RABGAP1L: variants seen among roughly 807,000 people sequenced by gnomAD.
RABGAP1L encodes the protein RAB GTPase activating protein 1 like, also known as rab GTPase-activating protein 1-like.
A neutral mutation model predicts 137.7 loss-of-function variants in RABGAP1L; 63 were observed. The observed-to-expected ratio is 0.46, with a 90% CI of 0.37 to 0.56. RABGAP1L has a LOEUF of 0.56. Among genes scored for constraint, RABGAP1L ranks in the 20% least tolerant of loss-of-function variants. RABGAP1L has a pLI of 0.00. For synonymous variants in RABGAP1L, 431 were observed against 433.7 expected (o/e 0.99, Z 0.08); for missense variants, 1,095 against 1,244.0 (o/e 0.88, Z 1.80).
At chr1:174,851,775 C>T (rs918392672) in intron 19 of RABGAP1L, among the ~76,000 whole-genome samples, 1 of 152,060 alleles carries the variant, frequency 6.6e-6, no homozygotes, top group Non-Finnish European at 1.5e-5. Context: ...CCCACCTCAG[C>T]TTCCCAAAGT....
At chr1:174,687,831 C>T (rs1192822646) in intron 15 of RABGAP1L, among the ~76,000 whole-genome samples, 1 of 152,142 alleles carries the variant, frequency 6.6e-6, no homozygotes, top group Non-Finnish European at 1.5e-5. Flanking sequence ...CATTCATTGC[C>T]TGAGAAGAAA....
At chr1:174,839,764 G>A (rs917153359) in intron 19 of RABGAP1L, among the ~76,000 whole-genome samples, 1 of 152,162 alleles carries the variant, frequency 6.6e-6, no homozygotes, top group Non-Finnish European at 1.5e-5. Flanking sequence ...TATATAATAG[G>A]TGAAACACTA....
At chr1:174,399,105 G>A (rs916934288) in intron 13 of RABGAP1L, among the ~76,000 whole-genome samples, 3 of 152,092 alleles carry the variant, frequency 2.0e-5, no homozygotes, top group Non-Finnish European at 4.4e-5. Context: ...CGTTTATTCA[G>A]GGTCTCAAAT....
chr1:174,695,862 G>T (rs1006439805), intron 15 of RABGAP1L, among the ~76,000 whole-genome samples: 4 of 152,194 alleles, frequency 2.6e-5, no homozygotes, highest in Non-Finnish European at 5.9e-5. Flanking sequence ...TTGCAGACTC[G>T]CAGAGATATA....
chr1:174,297,112 T>G (rs1019952406), intron 10 of RABGAP1L, among the ~76,000 whole-genome samples: 1 of 152,122 alleles, frequency 6.6e-6, no homozygotes, highest in Non-Finnish European at 1.5e-5. Context: ...TTGAAGTGAG[T>G]TGTAAGGGAG....
At chr1:174,869,929 A>G (rs192895295) in intron 19 of RABGAP1L, among the ~76,000 whole-genome samples, 46 of 152,274 alleles carry the variant, frequency 3.0e-4, no homozygotes, top group Admixed American at 2.9e-3. Context: ...CACTCCAGAA[A>G]TGTGATAAAT....
chr1:174,271,071 G>T (rs1674520791), intron 7 of RABGAP1L, among the ~76,000 whole-genome samples: 1 of 152,106 alleles, frequency 6.6e-6, no homozygotes, highest in African/African-American at 2.4e-5. Context: ...ATTCATAGGA[G>T]AGAGATCATA....
chr1:174,466,295 A>G (rs931490288), intron 13 of RABGAP1L, among the ~76,000 whole-genome samples: 2 of 152,242 alleles, frequency 1.3e-5, no homozygotes, highest in African/African-American at 4.8e-5. Context: ...CTTTAAAGTT[A>G]GCAAAAATGA....
At chr1:174,401,696 TAA>T (rs773952869) in intron 13 of RABGAP1L, among the ~76,000 whole-genome samples, 20 of 152,174 alleles carry the variant, frequency 1.3e-4, no homozygotes, top group Non-Finnish European at 2.5e-4. Context: ...ACTAGACATG[TAA>T]AGAAGACTAA....
intron 18 of RABGAP1L, among the ~76,000 whole-genome samples, chr1:174,792,479 G>C (rs1254580188): frequency 6.6e-6 from 1 of 152,188 alleles, no homozygotes; most frequent in Non-Finnish European, 1.5e-5. Flanking sequence ...GACTTAGTCT[G>C]TGTTGCTGTA....
chr1:174,708,215 A>G (rs1680194905), intron 17 of RABGAP1L, among the ~76,000 whole-genome samples: 2 of 152,186 alleles, frequency 1.3e-5, no homozygotes, highest in South Asian at 4.1e-4. Flanking sequence ...AGCAGTTTTC[A>G]GAAGTTGTTA....
intron 18 of RABGAP1L, among the ~76,000 whole-genome samples, chr1:174,776,299 C>T (rs925531549): frequency 3.9e-5 from 6 of 151,968 alleles, no homozygotes; most frequent in Non-Finnish European, 7.4e-5. Context: ...GCTTGAACCC[C>T]GGTGGGTGGA....
At chr1:174,915,839 CAT>C (rs982236843) in intron 19 of RABGAP1L, among the ~76,000 whole-genome samples, 3 of 152,102 alleles carry the variant, frequency 2.0e-5, no homozygotes, top group African/African-American at 7.2e-5. Flanking sequence ...TCCTTTATGA[CAT>C]ATATGATTTA....
At chr1:174,190,709 G>T (rs937849217) in intron 1 of RABGAP1L, among the ~76,000 whole-genome samples, 1 of 152,184 alleles carries the variant, frequency 6.6e-6, no homozygotes, top group Admixed American at 6.5e-5. Context: ...TTTTTTAAAA[G>T]AACTTTATCT....
rs761109104 is a variant in RABGAP1L at position 174,702,255 on chromosome 1, A to G, written c.2168A>G (p.Glu723Gly). The change falls in exon 17 of 26, where the codon GAG (glutamate) becomes GGG (glycine). Residue 723 changes from glutamate to glycine, a missense_variant and splice_region_variant. Transcript: ENST00000681986. The part of the protein sequence containing the change: ...VFHIIDLLLC[E>G]GLNIIFHVAL... The stretch of plus-strand genomic sequence containing the variant: ...CACATCATTGACTTACTGCTTTGTG[A>G]GGTAGAGTGACTCCCATCTTTCACT... 6.3e-7 allele frequency: 1 copy of G among 1,596,398 alleles called. No homozygotes were observed.
intron 13 of RABGAP1L, among the ~76,000 whole-genome samples, chr1:174,458,971 T>C (rs1279841797): frequency 6.6e-6 from 1 of 152,130 alleles, no homozygotes; most frequent in Non-Finnish European, 1.5e-5. Flanking sequence ...CTAAAACATA[T>C]ATGACTTAAG....
At chr1:174,521,689 A>G (rs1239282270) in intron 13 of RABGAP1L, among the ~76,000 whole-genome samples, 1 of 152,246 alleles carries the variant, frequency 6.6e-6, no homozygotes, top group Non-Finnish European at 1.5e-5. Flanking sequence ...AATCTCAATT[A>G]TAAGTTTGTA....
intron 19 of RABGAP1L, among the ~76,000 whole-genome samples, chr1:174,839,196 A>G (rs1573441963): frequency 6.6e-6 from 1 of 152,160 alleles, no homozygotes; most frequent in East Asian, 1.9e-4. Flanking sequence ...GAAATTCTCC[A>G]TCTGTGTTCC....
intron 1 of RABGAP1L, among the ~76,000 whole-genome samples, chr1:174,203,088 G>A (rs1170961411): frequency 2.0e-5 from 3 of 152,088 alleles, no homozygotes; most frequent in African/African-American, 7.2e-5. Context: ...CTGTTCCTAT[G>A]TCCAGGGTGG....
Sources: gnomAD v4.1 joint callset for allele counts (sites outside exome capture counted in the v4.1 genomes callset) on GRCh38, gnomAD v4.1.1 for gene constraint, MANE v1.5 for transcripts, NCBI Gene and HGNC (gene_info 2026-07-23, HGNC 2026-07-21) for gene names.